Variants in CUZD1 observed in about 807,000 individuals in gnomAD.
CUZD1 encodes CUB and zona pellucida like domains 1.
CUZD1 carries 42 observed loss-of-function variants against 53.1 expected under a neutral mutation model. That is an observed-to-expected ratio of 0.79 (90% CI 0.62 to 1.02). The LOEUF (loss-of-function observed/expected upper bound fraction) is 1.02, where lower values mean the gene tolerates loss of function less well. Among genes scored for constraint, CUZD1 ranks in the 50% least tolerant of loss-of-function variants. The probability of loss-of-function intolerance (pLI) is 0.00; values close to 1 mark genes in which losing one functional copy is unlikely to be tolerated. For synonymous variants in CUZD1, 238 were observed against 257.2 expected, an observed-to-expected ratio of 0.93 and a Z score of 0.71; for missense variants, 670 against 715.7, an observed-to-expected ratio of 0.94 and a Z score of 0.73.
chr10:122,838,968 C>T (rs189988968), intron 3 of CUZD1, 49 bp downstream of exon 3: 1 of 1,392,976 alleles, frequency 7.2e-7, no homozygotes, highest in East Asian at 2.3e-5. Flanking sequence ...GAGTGTGTAA[C>T]CTGTGCTTGT....
Position 122,837,009 on chromosome 10 carries a change from G to A in CUZD1, c.639C>T (p.Ala213=), listed in dbSNP as rs1394580663. The A allele has an allele frequency of 3.1e-6, 5 of 1,613,516 alleles. No homozygotes were observed. Among genetic ancestry groups the A allele is most frequent in the African/African-American group, 2.7e-5 (2 of 74,894 alleles). The part of the protein sequence containing the change: ...IDKQCKFDFL[A]IYDGPSTNSG... ...AGTTGGTGGAGGGGCCATCATAGAT[G>A]GCAAGAAAATCAAATTTGCACTGTT... The change falls in exon 5 of 9, where the codon GCC becomes GCT. Residue 213 remains alanine, a synonymous_variant. Coordinates refer to ENST00000392790, the MANE Select transcript of CUZD1 (RefSeq NM_022034.6).
chr10:122,832,584 C>T (rs1305384641), intron 8 of CUZD1, 134 bp from the exon 9 acceptor site: 3 of 487,370 alleles, frequency 6.2e-6, no homozygotes, highest in Middle Eastern at 4.5e-4. Context: ...AATGCCAACA[C>T]AATATAGAGG....
At chr10:122,843,738 G>T (rs181923519) in intron 1 of CUZD1, among the ~76,000 whole-genome samples, 1 of 150,670 alleles carries the variant, frequency 6.6e-6, no homozygotes, top group African/African-American at 2.4e-5. Flanking sequence ...GTTTCCTTGT[G>T]CTGGAGACAT....
chr10:122,837,756 T>A, intron 3 of CUZD1: 1 of 471,128 alleles, frequency 2.1e-6, no homozygotes, highest in Non-Finnish European at 3.7e-6. Flanking sequence ...GGAATCTTTA[T>A]ACTATTGCCA....
At chr10:122,838,973 G>T in intron 3 of CUZD1, 44 bp downstream of exon 3, 1 of 1,430,584 alleles carries the variant, frequency 7.0e-7, no homozygotes, top group Non-Finnish European at 9.9e-7. Context: ...TGTAACCTGT[G>T]CTTGTAGGAG....
In CUZD1 at chr10:122,833,563, A is replaced by G. The variant is rs2133811431; in HGVS notation, c.1651+109T>C. 13 of 1,183,600 alleles carry G rather than the reference A, an allele frequency of 1.1e-5. 1 individual carries two copies. In the South Asian group the frequency reaches 1.9e-4, roughly 18 times the overall value. 73.3% of individuals were successfully genotyped at this position (1,183,600 alleles called of 1,614,324 possible). The stretch of plus-strand genomic sequence containing the variant: ...ACTTAAAATTCAACTTATTTGCTAA[A>G]GCTACTATTATAAATCTCTAAACTG... On this transcript the variant is annotated intron_variant, in intron 8 of 8. Coordinates refer to ENST00000392790, the MANE Select transcript of CUZD1 (RefSeq NM_022034.6).
At chr10:122,836,019 G>A (rs112664269) in intron 6 of CUZD1, among the ~76,000 whole-genome samples, 159 bp downstream of exon 6, 3 of 152,244 alleles carry the variant, frequency 2.0e-5, no homozygotes, top group African/African-American at 7.2e-5. Flanking sequence ...ATGTATGAAT[G>A]GGTATGTGCA....
At chr10:122,833,298 G>A (rs969782742) in intron 8 of CUZD1, among the ~76,000 whole-genome samples, 1 of 151,862 alleles carries the variant, frequency 6.6e-6, no homozygotes, top group African/African-American at 2.4e-5. Context: ...TATGTGGAAT[G>A]CTGGTTCATT....
chr10:122,836,454 C>T (rs1847252634), intron 5 of CUZD1, 104 bp from the exon 6 acceptor site: 2 of 1,001,210 alleles, frequency 2.0e-6, no homozygotes, highest in Non-Finnish European at 1.4e-6. Flanking sequence ...AAAGTCAAAA[C>T]CATTTTGCCC....
In CUZD1 at chr10:122,842,547, T is replaced by A. The variant is rs564910646; in HGVS notation, c.83-1219A>T. On this transcript the variant is annotated intron_variant, in intron 1 of 8. Transcript: ENST00000392790. Reference sequence around the variant, plus strand: ...GTTATTACTGTAGGTAACATGACTGTTCCAACTTTACTGTTCTTTTGCAAA... The same window carrying A: ...GTTATTACTGTAGGTAACATGACTGATCCAACTTTACTGTTCTTTTGCAAA... 2.9e-4 allele frequency among the ~76,000 whole-genome samples: 44 copies of A among 152,360 alleles called. 1 individual carries two copies. The South Asian group carries it at 8.5e-3, about 29-fold the overall frequency.
chr10:122,834,566 A>C lies in CUZD1; in HGVS notation c.1382+140T>G, dbSNP rs1002775946. On this transcript the variant is annotated intron_variant, in intron 7 of 8. Coordinates refer to ENST00000392790, the MANE Select transcript of CUZD1 (RefSeq NM_022034.6). ...ATTAGTACATAGTAACTATTTTATA[A>C]AATGATTAGAATAAATGTAATGAAA... The C allele has an allele frequency of 2.8e-5, 15 of 534,900 alleles. No homozygotes were observed. In the African/African-American group the frequency reaches 2.9e-4, roughly 10 times the overall value. 33.1% of individuals were successfully genotyped at this position (534,900 alleles called of 1,614,324 possible).
chr10:122,837,493 G>A lies in CUZD1; in HGVS notation c.510C>T (p.Tyr170=). ...AAGCCAGCTCAGGATGCGGCTTTGG[G>A]TAATTGGGGCTGGTGAAGGATCCTT... is the stretch of plus-strand genomic sequence containing the variant. ...TLEGSFTSPN[Y]PKPHPELAYC... Residue 170 remains tyrosine (Y), a synonymous_variant, in exon 4 of 9, where the codon TAC becomes TAT. Transcript: ENST00000392790. 6.2e-7 allele frequency: 1 copy of A among 1,611,202 alleles called. No individual in the cohort carries two copies. Among genetic ancestry groups the A allele is most frequent in the Non-Finnish European group, 8.5e-7 (1 of 1,178,982 alleles).
At chr10:122,836,494 A>T in intron 5 of CUZD1, 144 bp from the exon 6 acceptor site, 1 of 707,944 alleles carries the variant, frequency 1.4e-6, no homozygotes. Context: ...TGAGATAGCC[A>T]AGCAATTGAT....
At chr10:122,841,503 T>C (rs1591712956) in intron 1 of CUZD1, among the ~76,000 whole-genome samples, 175 bp from the exon 2 acceptor site, 1 of 152,336 alleles carries the variant, frequency 6.6e-6, no homozygotes, top group African/African-American at 2.4e-5. Flanking sequence ...TCTTGAACCC[T>C]TTGAGGAGAA....
At chr10:122,834,492 C>T (rs1847213309) in intron 7 of CUZD1, among the ~76,000 whole-genome samples, 1 of 151,956 alleles carries the variant, frequency 6.6e-6, no homozygotes, top group Non-Finnish European at 1.5e-5. Flanking sequence ...ACTTAAAATT[C>T]TAGATATAAG....
chr10:122,836,220 CACA>C lies in CUZD1; in HGVS notation c.945_947del (p.Val316del), dbSNP rs915757522. 3.1e-6 allele frequency: 5 copies of C among 1,610,130 alleles called. No homozygotes were observed. Among genetic ancestry groups the C allele is most frequent in the Non-Finnish European group, 4.2e-6 (5 of 1,178,842 alleles). ...ATCCATTAAGAGGGACAGAAAATTC[CACA>C]ACATTTGATAATTTTGGTCTGCAAG... is the stretch of plus-strand genomic sequence containing the variant. On this transcript the variant is annotated inframe_deletion, in exon 6 of 9. Transcript: ENST00000392790.
In CUZD1 at chr10:122,839,132, G is replaced by A; in HGVS notation, c.333C>T (p.Asp111=). 3 of 1,614,172 alleles carry A rather than the reference G, an allele frequency of 1.9e-6. No individual in the cohort carries two copies. Among genetic ancestry groups the A allele is most frequent in the Non-Finnish European group, 2.5e-6 (3 of 1,179,978 alleles). The change falls in exon 3 of 9, where the codon GAC becomes GAT. Residue 111 remains aspartate (D), a synonymous_variant. Transcript: ENST00000392790. ...ATGATGATTCAAATACAGGAACATA[G>A]TCGTTTTTACTGCAGACTTGCCCTA... ...PLLGQVCSKN[D]YVPVFESSSS... is the part of the protein sequence containing the mutation.
chr10:122,832,479 T>G, intron 8 of CUZD1, 29 bp from the exon 9 acceptor site: 2 of 1,608,560 alleles, frequency 1.2e-6, no homozygotes, highest in Non-Finnish European at 1.7e-6. Flanking sequence ...TGAAAATCAC[T>G]TTTTAAGAAG....
At chr10:122,841,765 G>A (rs542506213) in intron 1 of CUZD1, among the ~76,000 whole-genome samples, 4 of 152,270 alleles carry the variant, frequency 2.6e-5, no homozygotes, top group African/African-American at 7.2e-5. Context: ...CCACATTCTT[G>A]TCAACACACA....
Sources: gnomAD v4.1 joint callset for allele counts (sites outside exome capture counted in the v4.1 genomes callset) on GRCh38, gnomAD v4.1.1 for gene constraint, MANE v1.5 for transcripts, NCBI Gene and HGNC (gene_info 2026-07-23, HGNC 2026-07-21) for gene names.